AGTPBP1: variants seen among roughly 807,000 people sequenced by gnomAD.
The protein encoded by AGTPBP1 is ATP/GTP binding carboxypeptidase 1, also known as cytosolic carboxypeptidase 1.
AGTPBP1 carries 70 observed loss-of-function variants against 143.9 expected under a neutral mutation model. That is an observed-to-expected ratio of 0.49 (90% CI 0.40 to 0.59). AGTPBP1 has a LOEUF of 0.59. Among genes scored for constraint, AGTPBP1 ranks in the 20% least tolerant of loss-of-function variants. The pLI is 0.00. For synonymous variants in AGTPBP1, 463 were observed against 500.2 expected, an observed-to-expected ratio of 0.93 and a Z score of 0.99; for missense variants, 1,229 against 1,464.5, an observed-to-expected ratio of 0.84 and a Z score of 2.62.
At chr9:85,764,257 G>A in the AGTPBP1 span, among the ~76,000 whole-genome samples, 1,461 of 151,806 alleles carry the variant, frequency 9.6e-3, 7 homozygotes, top group Non-Finnish European at 0.015. Flanking sequence ...CGGTCGGGTG[G>A]GTGTCTCACG....
chr9:85,747,082 C>T, the AGTPBP1 span, among the ~76,000 whole-genome samples: 2 of 152,096 alleles, frequency 1.3e-5, no homozygotes, highest in African/African-American at 4.8e-5. Flanking sequence ...ATCTTGAACT[C>T]CTGGCTTCAA....
At position 85,655,221 on chromosome 9, in the gene AGTPBP1, T is replaced by C. The variant is rs1833420943; in HGVS notation, c.1009A>G (p.Lys337Glu). The C allele has an allele frequency of 6.2e-7, 1 of 1,611,080 alleles. No homozygotes were observed. The highest frequency in any genetic ancestry group is 8.5e-7 in the Non-Finnish European group (1 of 1,178,362). The change falls in exon 11 of 26, where the codon AAA (lysine) becomes GAA (glutamate). Residue 337 changes from lysine (K) to glutamate (E), a missense_variant. Coordinates refer to ENST00000357081, the MANE Select transcript of AGTPBP1 (RefSeq NM_001330701.2). ...PKNRLPLPTI[K>E]SSFHFQLPVI... is the part of the protein sequence containing the mutation. ...GGCAACTGGAAATGAAAAGAACTTT[T>C]AATTGTTGGGAGTGGCAGTCGATTT... is the stretch of plus-strand genomic sequence containing the variant.
chr9:85,797,064 C>G, the AGTPBP1 span, among the ~76,000 whole-genome samples: 1 of 152,156 alleles, frequency 6.6e-6, no homozygotes, highest in East Asian at 1.9e-4. Flanking sequence ...GGATTACAGG[C>G]ATGAGCCACT....
the AGTPBP1 span, among the ~76,000 whole-genome samples, chr9:85,787,718 T>G: frequency 6.6e-6 from 1 of 152,248 alleles, no homozygotes; most frequent in Admixed American, 6.5e-5. Flanking sequence ...TTATTTAGGT[T>G]GTTCTTTGTT....
intron 17 of AGTPBP1, among the ~76,000 whole-genome samples, chr9:85,615,871 TAGAA>T (rs1382702135): frequency 7.2e-5 from 11 of 151,920 alleles, no homozygotes; most frequent in African/African-American, 2.4e-4. Flanking sequence ...ATATTTAAAA[TAGAA>T]AGTAATCAGA....
chr9:85,802,977 T>C, the AGTPBP1 span, among the ~76,000 whole-genome samples: 4 of 152,368 alleles, frequency 2.6e-5, no homozygotes, highest in African/African-American at 9.6e-5. Context: ...AAAAGCAGTC[T>C]GTGTTTTCAG....
intron 8 of AGTPBP1, among the ~76,000 whole-genome samples, chr9:85,669,010 TACATACAC>T (rs1378740923): frequency 8.5e-5 from 5 of 58,656 alleles, no homozygotes; most frequent in African/African-American, 1.3e-4. Context: ...TGTGTGTGTA[TACATACAC>T]ACACACACAC....
chr9:85,598,174 C>G (rs1829420232), intron 17 of AGTPBP1, among the ~76,000 whole-genome samples: 1 of 152,170 alleles, frequency 6.6e-6, no homozygotes, highest in African/African-American at 2.4e-5. Context: ...TTCTCTCTCT[C>G]TCTCTCTCCC....
chr9:85,573,830 G>A (rs1012040880), intron 25 of AGTPBP1, among the ~76,000 whole-genome samples: 3 of 151,434 alleles, frequency 2.0e-5, no homozygotes, highest in Non-Finnish European at 4.4e-5. Flanking sequence ...TCTCTGCCCG[G>A]CCGCCCCGTC....
intron 1 of AGTPBP1, among the ~76,000 whole-genome samples, chr9:85,721,953 T>C (rs1838155509): frequency 1.3e-5 from 2 of 152,206 alleles, no homozygotes; most frequent in Admixed American, 6.5e-5. Context: ...AGATATGAAA[T>C]TCTGGGTTGA....
chr9:85,616,615 C>T (rs1250590825), intron 17 of AGTPBP1, among the ~76,000 whole-genome samples: 2 of 151,842 alleles, frequency 1.3e-5, no homozygotes, highest in East Asian at 1.9e-4. Flanking sequence ...TCGTAAGGTG[C>T]ACCCACCATA....
chr9:85,589,516 A>G lies in AGTPBP1; in HGVS notation c.2722+12T>C. 6.3e-7 allele frequency: 1 copy of G among 1,596,380 alleles called. No homozygotes were observed. Among genetic ancestry groups the G allele is most frequent in the Non-Finnish European group, 8.5e-7 (1 of 1,173,238 alleles). On this transcript the variant is annotated intron_variant, in intron 20 of 25. Coordinates refer to ENST00000357081, the MANE Select transcript of AGTPBP1 (RefSeq NM_001330701.2). ...GAATGACTGCTATTGTGAGTTGGGA[A>G]GACAAACTTACTGAAATGGCAGATA...
chr9:85,565,664 C>T (rs1475308575), intron 25 of AGTPBP1, among the ~76,000 whole-genome samples: 1 of 152,146 alleles, frequency 6.6e-6, no homozygotes, highest in East Asian at 1.9e-4. Flanking sequence ...AATGTGTCTT[C>T]CCCTACTGAT....
Position 85,547,099 on chromosome 9 carries a change from G to A in AGTPBP1, c.*10C>T, listed in dbSNP as rs1825777032. 2 of 1,588,786 alleles carry A rather than the reference G, an allele frequency of 1.3e-6. No individual in the cohort carries two copies. Among genetic ancestry groups the A allele is most frequent in the Admixed American group, 3.7e-5 (2 of 54,122 alleles). On this transcript the variant is annotated 3_prime_UTR_variant, in exon 26 of 26. Transcript: ENST00000357081. ...TTATTCTTTGCAGTTAACAAGAGATGGCAGCGGGCTCAAGGTAGGTATGTT... is the reference window on the plus strand; with the variant it reads ...TTATTCTTTGCAGTTAACAAGAGATAGCAGCGGGCTCAAGGTAGGTATGTT...
chr9:85,673,984 G>A (rs913512273), intron 6 of AGTPBP1, among the ~76,000 whole-genome samples: 21 of 151,740 alleles, frequency 1.4e-4, no homozygotes, highest in African/African-American at 4.1e-4. Flanking sequence ...TTAGCCAGGC[G>A]TGGTGGCGGG....
chr9:85,714,251 T>C (rs1390592772), intron 1 of AGTPBP1, among the ~76,000 whole-genome samples: 1 of 152,212 alleles, frequency 6.6e-6, no homozygotes, highest in African/African-American at 2.4e-5. Context: ...AGTGAACAGA[T>C]CCAGGAGCTG....
chr9:85,729,913 A>G (rs375253158), intron 1 of AGTPBP1, among the ~76,000 whole-genome samples: 1 of 152,246 alleles, frequency 6.6e-6, no homozygotes, highest in East Asian at 1.9e-4. Flanking sequence ...CCAGGGTATA[A>G]AGATTTAGAA....
intron 13 of AGTPBP1, among the ~76,000 whole-genome samples, chr9:85,635,066 C>A (rs572422704): frequency 6.6e-6 from 1 of 152,092 alleles, no homozygotes; most frequent in African/African-American, 2.4e-5. Context: ...GTTAATCAGT[C>A]GCAATTCTTC....
chr9:85,560,776 G>A (rs1475848288), intron 25 of AGTPBP1, among the ~76,000 whole-genome samples: 1 of 152,082 alleles, frequency 6.6e-6, no homozygotes, highest in Non-Finnish European at 1.5e-5. Context: ...AAAACATCCA[G>A]AAGAAAGCAC....
Sources: allele counts gnomAD v4.1 joint callset (sites outside exome capture counted in the v4.1 genomes callset), GRCh38; gene constraint gnomAD v4.1.1; transcripts MANE v1.5; gene names NCBI Gene and HGNC (gene_info 2026-07-23, HGNC 2026-07-21).